DTNB: variants seen among roughly 807,000 people sequenced by gnomAD.
The protein encoded by DTNB is dystrobrevin beta, also known as DTN-B.
A neutral mutation model predicts 90.7 loss-of-function variants in DTNB; 63 were observed. The observed-to-expected ratio is 0.69, with a 90% CI of 0.57 to 0.86. DTNB has a LOEUF of 0.86. DTNB is among the 40% of genes least tolerant of loss of function. The pLI, the probability that DTNB is intolerant of heterozygous loss-of-function variation, is 0.00. For synonymous variants in DTNB, 277 were observed against 286.7 expected (o/e 0.97, Z 0.34); for missense variants, 744 against 807.1 (o/e 0.92, Z 0.95).
chr2:25,607,429 G>A (rs2067358570), intron 4 of DTNB, 108 bp from the exon 5 acceptor site: 4 of 1,016,966 alleles, frequency 3.9e-6, no homozygotes, highest in East Asian at 2.9e-5. Context: ...GACCTTGTCT[G>A]TTACAATTTT....
At chr2:25,517,895 A>ACACG (rs1329809090) in intron 9 of DTNB, among the ~76,000 whole-genome samples, 1 of 152,218 alleles carries the variant, frequency 6.6e-6, no homozygotes, top group Non-Finnish European at 1.5e-5. Flanking sequence ...AAATCCTGTC[A>ACACG]CACGCTGCAA....
chr2:25,553,388 T>C (rs1424924013), intron 8 of DTNB, among the ~76,000 whole-genome samples: 1 of 152,300 alleles, frequency 6.6e-6, no homozygotes, highest in Admixed American at 6.5e-5. Flanking sequence ...ATATAATCCA[T>C]GTAATTTTTG....
In DTNB at chr2:25,540,709, C is replaced by T. The variant is rs1384347403; in HGVS notation, c.877-9112G>A. Among the ~76,000 whole-genome samples, 4 of 152,248 alleles carry T rather than the reference C, an allele frequency of 2.6e-5. No homozygotes were observed. The East Asian group carries it at 5.8e-4, about 22-fold the overall frequency. ...TTGTTCTGTACTAAGAAAAATTCTT[C>T]TGCCTTGGGATCCTGTTGATCTATG... On this transcript the variant is annotated intron_variant, in intron 8 of 20. Transcript: ENST00000406818.
intron 10 of DTNB, among the ~76,000 whole-genome samples, chr2:25,465,604 AC>A (rs2061649151): frequency 6.6e-6 from 1 of 152,086 alleles, no homozygotes; most frequent in Non-Finnish European, 1.5e-5. Context: ...AGCCGTGCTG[AC>A]CTTTCCACTA....
chr2:25,476,956 T>C (rs2063857914), intron 10 of DTNB, among the ~76,000 whole-genome samples: 2 of 152,188 alleles, frequency 1.3e-5, no homozygotes, highest in Non-Finnish European at 2.9e-5. Context: ...CTTCCACAAA[T>C]GGGAGAGTCC....
At chr2:25,536,519 C>A (rs565335366) in intron 8 of DTNB, among the ~76,000 whole-genome samples, 2 of 152,138 alleles carry the variant, frequency 1.3e-5, no homozygotes, top group Non-Finnish European at 2.9e-5. Flanking sequence ...CCGGTCAACA[C>A]GGCGAAACCC....
At chr2:25,417,678 T>C (rs2149783431) in intron 16 of DTNB, among the ~76,000 whole-genome samples, 1 of 152,172 alleles carries the variant, frequency 6.6e-6, no homozygotes, top group African/African-American at 2.4e-5. Context: ...AAAGTGCATC[T>C]CTGGGGTATG....
intron 12 of DTNB, among the ~76,000 whole-genome samples, chr2:25,450,106 T>C (rs2059053858): frequency 6.6e-6 from 1 of 152,224 alleles, no homozygotes; most frequent in Admixed American, 6.5e-5. Context: ...TAAACTCTAA[T>C]GAATTTTTAT....
chr2:25,462,708 CT>C (rs70947890), intron 10 of DTNB, among the ~76,000 whole-genome samples: 169 of 145,890 alleles, frequency 1.2e-3, no homozygotes, highest in Middle Eastern at 7.2e-3. Flanking sequence ...TCAGAACACT[CT>C]TTTTTTTTTT....
intron 9 of DTNB, among the ~76,000 whole-genome samples, chr2:25,492,828 T>G (rs1206741564): frequency 6.6e-6 from 1 of 151,800 alleles, no homozygotes; most frequent in African/African-American, 2.4e-5. Flanking sequence ...CCAGAGTGGG[T>G]GACAAAGTGA....
At chr2:25,632,105 G>A (rs561013336) in intron 3 of DTNB, among the ~76,000 whole-genome samples, 2 of 144,150 alleles carry the variant, frequency 1.4e-5, no homozygotes, top group East Asian at 2.1e-4. Flanking sequence ...CAAGACAGGA[G>A]AATCGCTTGA....
rs900263158 is a variant in DTNB, at chr2:25,603,250, A to T, written c.448+3986T>A. Among the ~76,000 whole-genome samples the T allele has an allele frequency of 7.9e-5, 12 of 152,232 alleles. No individual in the cohort carries two copies. In the East Asian group the frequency reaches 1.2e-3, roughly 15 times the overall value. ...CAGTCAAATTAATTGATAATTAAGC[A>T]TGTTTTAATACATAATGGGCTTTAC... On this transcript the variant is annotated intron_variant, in intron 5 of 20. Transcript: ENST00000406818.
intron 8 of DTNB, among the ~76,000 whole-genome samples, chr2:25,572,970 C>T (rs1198281995): frequency 6.6e-6 from 1 of 150,920 alleles, no homozygotes; most frequent in Non-Finnish European, 1.5e-5. Flanking sequence ...GATGGAGTTT[C>T]ACTCTTTTTG....
chr2:25,598,078 C>T (rs1039820404), intron 5 of DTNB, among the ~76,000 whole-genome samples: 7 of 152,186 alleles, frequency 4.6e-5, no homozygotes, highest in East Asian at 1.9e-4. Flanking sequence ...CAGCAAGTAG[C>T]GGTCATGTGA....
At chr2:25,520,573 T>C (rs2075970459) in intron 9 of DTNB, among the ~76,000 whole-genome samples, 1 of 152,250 alleles carries the variant, frequency 6.6e-6, no homozygotes, top group African/African-American at 2.4e-5. Context: ...AATGGTCTTA[T>C]ATTATTCCTG....
chr2:25,385,941 C>T (rs2039349339), intron 18 of DTNB: 1 of 872,314 alleles, frequency 1.1e-6, no homozygotes. Flanking sequence ...ATTCCCATGG[C>T]CCGAAATTCC....
At chr2:25,399,707 GC>G (rs1188932463) in intron 16 of DTNB, among the ~76,000 whole-genome samples, 1 of 152,174 alleles carries the variant, frequency 6.6e-6, no homozygotes, top group Admixed American at 6.6e-5. Flanking sequence ...CTCTGAGATG[GC>G]CCCAAGGGAC....
intron 13 of DTNB, among the ~76,000 whole-genome samples, 170 bp from the exon 14 acceptor site, chr2:25,433,169 T>C (rs1186084834): frequency 6.6e-6 from 1 of 152,242 alleles, no homozygotes; most frequent in Non-Finnish European, 1.5e-5. Flanking sequence ...CTGCTTCACC[T>C]GACATTTCCT....
chr2:25,460,943 G>C (rs1404895246), intron 10 of DTNB, among the ~76,000 whole-genome samples: 1 of 151,832 alleles, frequency 6.6e-6, no homozygotes, highest in Non-Finnish European at 1.5e-5. Context: ...TGTCACCCAG[G>C]CTGCATTGCA....
Sources: allele counts gnomAD v4.1 joint callset (sites outside exome capture counted in the v4.1 genomes callset), GRCh38; gene constraint gnomAD v4.1.1; transcripts MANE v1.5; gene names NCBI Gene and HGNC (gene_info 2026-07-23, HGNC 2026-07-21).